Variants in FAM107A observed in about 807,000 individuals in gnomAD.
FAM107A encodes the protein actin-associated protein FAM107A.
Under a neutral mutation model 13.7 loss-of-function variants are expected in FAM107A, and 19 were observed. The ratio of observed to expected loss-of-function variants is 1.38; its 90% CI spans 0.97 to 2.03. The LOEUF is 2.03. Among genes scored for constraint, FAM107A ranks in the 30% most tolerant of loss-of-function variants. The pLI, the probability that FAM107A is intolerant of heterozygous loss-of-function variation, is 0.00. For missense variants in FAM107A, 203 were observed against 184.4 expected, an observed-to-expected ratio of 1.10 and a Z score of -0.58; for synonymous variants, 82 against 74.5, an observed-to-expected ratio of 1.10 and a Z score of -0.52.
At chr3:58,602,324 G>C (rs999905950) in intron 1 of FAM107A, among the ~76,000 whole-genome samples, 6 of 152,214 alleles carry the variant, frequency 3.9e-5, no homozygotes, top group African/African-American at 7.2e-5. Context: ...CTCAGTGTTG[G>C]AGAGGGTGTG....
chr3:58,627,082 A>C (rs2066025961), intron 1 of FAM107A: 2 of 1,362,630 alleles, frequency 1.5e-6, no homozygotes, highest in Admixed American at 2.0e-5. Flanking sequence ...GCCAGGACCC[A>C]AGGGGCTCCC....
chr3:58,579,874 C>G (rs1181085115), upstream of FAM107A, among the ~76,000 whole-genome samples: 1 of 152,222 alleles, frequency 6.6e-6, no homozygotes, highest in African/African-American at 2.4e-5. Context: ...AAACTCTTCT[C>G]ACAGTCCAAC....
intron 1 of FAM107A, among the ~76,000 whole-genome samples, chr3:58,600,520 C>T (rs1247545003): frequency 6.6e-6 from 1 of 152,208 alleles, no homozygotes; most frequent in Non-Finnish European, 1.5e-5. Context: ...GAATTTTGCT[C>T]AGCTCCTTCA....
At chr3:58,627,229 G>A (rs530070669) in intron 1 of FAM107A, 92 of 551,958 alleles carry the variant, frequency 1.7e-4, no homozygotes, top group African/African-American at 2.8e-4. Context: ...GTCCCCAGGC[G>A]GCTTCTATGC....
At chr3:58,611,992 G>A (rs1383061251) in intron 1 of FAM107A, among the ~76,000 whole-genome samples, 1 of 151,718 alleles carries the variant, frequency 6.6e-6, no homozygotes, top group Admixed American at 6.6e-5. Context: ...TTTCATAGCA[G>A]TAGGTTCTTA....
At chr3:58,605,829 A>G (rs1294666538) in intron 1 of FAM107A, among the ~76,000 whole-genome samples, 1 of 152,302 alleles carries the variant, frequency 6.6e-6, no homozygotes, top group East Asian at 1.9e-4. Context: ...TGACTTGCCA[A>G]AAAGGCACAG....
chr3:58,598,734 T>C (rs1219712341), intron 1 of FAM107A, among the ~76,000 whole-genome samples: 1 of 152,218 alleles, frequency 6.6e-6, no homozygotes, highest in Non-Finnish European at 1.5e-5. Flanking sequence ...TCACTCTTTT[T>C]GATGCTGCAT....
intron 1 of FAM107A, among the ~76,000 whole-genome samples, chr3:58,585,188 G>C (rs1010978652): frequency 2.0e-5 from 3 of 152,228 alleles, no homozygotes; most frequent in African/African-American, 7.2e-5. Flanking sequence ...TGATAGCTAA[G>C]AGGTGAGGGG....
chr3:58,570,902 G>A (rs1000406912), intron 1 of FAM107A, among the ~76,000 whole-genome samples: 9 of 152,342 alleles, frequency 5.9e-5, no homozygotes, highest in East Asian at 5.8e-4. Context: ...ACCAGTGCCC[G>A]GTGGCATGTG....
chr3:58,610,873 G>A (rs2065847573), intron 1 of FAM107A, among the ~76,000 whole-genome samples: 1 of 152,144 alleles, frequency 6.6e-6, no homozygotes, highest in African/African-American at 2.4e-5. Flanking sequence ...GCAGACATAA[G>A]CCCTGATGTG....
chr3:58,578,854 G>A (rs1277515522), upstream of FAM107A, among the ~76,000 whole-genome samples: 2 of 152,216 alleles, frequency 1.3e-5, no homozygotes, highest in Non-Finnish European at 2.9e-5. Context: ...CATCACAGGT[G>A]AATGGAGGCT....
intron 1 of FAM107A, chr3:58,607,923 T>A (rs968550389): frequency 4.6e-5 from 7 of 152,188 alleles, no homozygotes; most frequent in African/African-American, 1.7e-4. Context: ...CTGCAGCTTG[T>A]GAGAGTCTGA....
Position 58,610,782 on chromosome 3 carries a change from C to A in FAM107A, c.-70+16634G>T, listed in dbSNP as rs1343357307. ...CTGGTTGAAGCAGTGGCTGGTTAAC[C>A]TCAAGGAAACTCTAGCCACTCTTCT... is the stretch of plus-strand genomic sequence containing the variant. On this transcript the variant is annotated intron_variant, in intron 1 of 3. Coordinates refer to the FAM107A transcript ENST00000465970. Among the ~76,000 whole-genome samples, 4 of 152,282 alleles carry A rather than the reference C, an allele frequency of 2.6e-5. No homozygotes were observed. The East Asian group carries it at 7.7e-4, about 29-fold the overall frequency.
intron 1 of FAM107A, among the ~76,000 whole-genome samples, chr3:58,611,023 G>A (rs1377644291): frequency 6.6e-6 from 1 of 152,142 alleles, no homozygotes; most frequent in African/African-American, 2.4e-5. Context: ...GAGTTCTCAC[G>A]AGATCTGAGG....
chr3:58,600,212 A>G (rs1192121094), intron 1 of FAM107A, among the ~76,000 whole-genome samples: 1 of 152,168 alleles, frequency 6.6e-6, no homozygotes, highest in East Asian at 1.9e-4. Context: ...TTTTCTGAGC[A>G]TCTACTATAT....
At chr3:58,615,970 C>G (rs1438664032) in intron 1 of FAM107A, among the ~76,000 whole-genome samples, 3 of 149,400 alleles carry the variant, frequency 2.0e-5, no homozygotes, top group Admixed American at 1.3e-4. Flanking sequence ...ATGAGGAGAC[C>G]TAGGGAAAGG....
At chr3:58,610,196 C>T (rs140138223) in intron 1 of FAM107A, among the ~76,000 whole-genome samples, 75 of 152,288 alleles carry the variant, frequency 4.9e-4, no homozygotes, top group Non-Finnish European at 7.5e-4. Flanking sequence ...TCTCATTACC[C>T]GCGTACAACC....
At chr3:58,587,758 C>G (rs906203662), upstream of FAM107A, among the ~76,000 whole-genome samples, 21 of 151,944 alleles carry the variant, frequency 1.4e-4, no homozygotes, top group African/African-American at 5.1e-4. Flanking sequence ...GCCAGGCTCA[C>G]CAGGGGGCTT....
Position 58,604,748 on chromosome 3 carries a change from G to T in FAM107A, c.-69-15479C>A, listed in dbSNP as rs2065779073. Among the ~76,000 whole-genome samples the T allele has an allele frequency of 6.6e-6, 1 of 152,278 alleles. No individual in the cohort carries two copies. Among genetic ancestry groups the T allele is most frequent in the East Asian group, 1.9e-4 (1 of 5,188 alleles). ...TAAACACTGGACTAGGTGCTTCAGG[G>T]TCTTCATCTACTAACTCTGACCTCC... On this transcript the variant is annotated intron_variant, in intron 1 of 3. Transcript: ENST00000465970. This position sits in a 1 kb window ranked among gnomAD's most constrained non-coding sequence, Gnocchi z 4.1.
Sources: allele counts gnomAD v4.1 joint callset (sites outside exome capture counted in the v4.1 genomes callset), GRCh38; gene constraint gnomAD v4.1.1; non-coding constraint Gnocchi (gnomAD v3.1); transcripts MANE v1.5; gene names NCBI Gene and HGNC (gene_info 2026-07-23, HGNC 2026-07-21).